GATA3: variants seen among roughly 807,000 people sequenced by gnomAD.
The protein encoded by GATA3 is GATA binding protein 3.
A neutral mutation model predicts 36.0 loss-of-function variants in GATA3; 6 were observed. That is an observed-to-expected ratio of 0.17 (90% CI 0.09 to 0.33). GATA3 has a LOEUF of 0.33. GATA3 is among the 10% of genes least tolerant of loss of function. GATA3 has a pLI of 1.00. For missense variants in GATA3, 514 were observed against 610.1 expected (o/e 0.84, Z 1.66); for synonymous variants, 326 against 273.0 (o/e 1.19, Z -1.92).
At chr10:8,052,590 CCCT>C (rs1268226031), upstream of GATA3, 1 of 152,202 alleles carries the variant, frequency 6.6e-6, no homozygotes, top group African/African-American at 2.4e-5. Context: ...GCGCATCCAC[CCCT>C]CGATTGACGC....
intron 1 of GATA3, among the ~76,000 whole-genome samples, chr10:8,046,319 A>G (rs1832386241): frequency 1.3e-5 from 2 of 152,194 alleles, no homozygotes; most frequent in African/African-American, 4.8e-5. Flanking sequence ...TCTCTCGGAC[A>G]CCAACAGGGT....
intron 3 of GATA3, among the ~76,000 whole-genome samples, chr10:8,061,364 C>A (rs560366732): frequency 1.5e-3 from 236 of 152,302 alleles, no homozygotes; most frequent in Non-Finnish European, 2.9e-3. Flanking sequence ...CTGCTCCCTA[C>A]CCCCTCCCAC....
At chr10:8,063,244 T>G (rs1411885854) in intron 3 of GATA3, among the ~76,000 whole-genome samples, 1 of 152,154 alleles carries the variant, frequency 6.6e-6, no homozygotes, top group Non-Finnish European at 1.5e-5. Context: ...CCTCCCCCTC[T>G]TCCAGGTTCC....
chr10:8,067,643 C>T (rs941442504), intron 4 of GATA3, among the ~76,000 whole-genome samples: 3 of 152,064 alleles, frequency 2.0e-5, no homozygotes, highest in South Asian at 2.1e-4. Flanking sequence ...ACAGGTGAAA[C>T]CCCGTCTCTA....
intron 3 of GATA3, among the ~76,000 whole-genome samples, chr10:8,063,112 A>G (rs1386721095): frequency 6.6e-6 from 1 of 152,116 alleles, no homozygotes; most frequent in African/African-American, 2.4e-5. Flanking sequence ...GGAAAAGAGA[A>G]ACTGTAGGCA....
chr10:8,068,817 C>G (rs572870785), intron 4 of GATA3, among the ~76,000 whole-genome samples: 1 of 152,360 alleles, frequency 6.6e-6, no homozygotes, highest in Admixed American at 6.5e-5. Flanking sequence ...CTAGGATGTC[C>G]TACTTGGCGC....
At chr10:8,046,602 A>C (rs374308925) in intron 1 of GATA3, among the ~76,000 whole-genome samples, 32 of 151,416 alleles carry the variant, frequency 2.1e-4, no homozygotes, top group African/African-American at 7.5e-4. Context: ...GGTTGAGTCC[A>C]TCCAGGCATC....
In GATA3 at chr10:8,074,775, G is replaced by A. The variant is rs1356506890; in HGVS notation, c.*752G>A. 1 of 233,582 alleles carries A rather than the reference G, an allele frequency of 4.3e-6. No individual in the cohort carries two copies. The highest frequency in any genetic ancestry group is 6.0e-5 in the East Asian group (1 of 16,586). The allele number at this position is 233,582 out of a possible 1,614,324, so 14.5% of individuals were successfully genotyped here. ...TTCATCATATTATACAGACCGAACT[G>A]TTGTATAAATTTATTTACTGCTAGT... On this transcript the variant is annotated 3_prime_UTR_variant, in exon 6 of 6. Transcript: ENST00000379328.
intron 2 of GATA3, among the ~76,000 whole-genome samples, chr10:8,057,541 T>G (rs1289248364): frequency 6.6e-6 from 1 of 152,106 alleles, no homozygotes; most frequent in Non-Finnish European, 1.5e-5. Flanking sequence ...CTCCTTCTCC[T>G]TTAGGATTTG....
At chr10:8,050,917 C>A (rs534296680), upstream of GATA3, 64 of 466,444 alleles carry the variant, frequency 1.4e-4, no homozygotes, top group African/African-American at 1.3e-3. Context: ...TCGGGCAGCG[C>A]GCGGGCGCCC....
chr10:8,060,072 G>T (rs762544310), intron 3 of GATA3, among the ~76,000 whole-genome samples: 17 of 152,212 alleles, frequency 1.1e-4, no homozygotes, highest in Non-Finnish European at 2.4e-4. Context: ...TACTCTGGGA[G>T]CCCAGTGACC....
intron 5 of GATA3, among the ~76,000 whole-genome samples, chr10:8,072,942 C>T (rs576461897): frequency 6.6e-4 from 101 of 152,044 alleles, no homozygotes; most frequent in Middle Eastern, 3.4e-3. Context: ...GTCGGGAGTT[C>T]GAGACCAGCC....
intron 3 of GATA3, among the ~76,000 whole-genome samples, chr10:8,059,359 T>G (rs555284803): frequency 2.8e-4 from 42 of 152,162 alleles, no homozygotes; most frequent in African/African-American, 8.9e-4. Context: ...AGACACAAAG[T>G]GTGTGTGCAT....
At chr10:8,061,376 G>A (rs1832746252) in intron 3 of GATA3, among the ~76,000 whole-genome samples, 1 of 152,128 alleles carries the variant, frequency 6.6e-6, no homozygotes. Flanking sequence ...CCCTCCCACA[G>A]CCTGGTTTAA....
intron 4 of GATA3, among the ~76,000 whole-genome samples, chr10:8,066,737 A>G (rs970732113): frequency 3.3e-5 from 5 of 152,216 alleles, no homozygotes; most frequent in African/African-American, 1.2e-4. Context: ...ACATCTCACC[A>G]CTAGTGAGAG....
intron 1 of GATA3, among the ~76,000 whole-genome samples, chr10:8,048,210 G>A (rs1170019390): frequency 1.3e-5 from 2 of 152,212 alleles, no homozygotes; most frequent in East Asian, 3.9e-4. Flanking sequence ...GCTGGGGGTT[G>A]GGGCTGTGGT....
chr10:8,054,509 G>A (rs1832582515), upstream of GATA3: 1 of 152,048 alleles, frequency 6.6e-6, no homozygotes, highest in Non-Finnish European at 1.5e-5. This position sits in a 1 kb window ranked among gnomAD's most constrained non-coding sequence, Gnocchi z 4.2. Context: ...TCCGGTCAGT[G>A]GAGGGGCGGG....
chr10:8,051,274 C>T (rs1333983373), upstream of GATA3: 1 of 324,402 alleles, frequency 3.1e-6, no homozygotes, highest in Non-Finnish European at 6.5e-6. Context: ...ACACACATAC[C>T]CCGCTCAACT....
At chr10:8,068,872 A>C (rs1231517822) in intron 4 of GATA3, among the ~76,000 whole-genome samples, 1 of 152,256 alleles carries the variant, frequency 6.6e-6, no homozygotes, top group African/African-American at 2.4e-5. Context: ...ACACTTGCAC[A>C]GACATTCTTT....
Sources: gnomAD v4.1 joint callset for allele counts (sites outside exome capture counted in the v4.1 genomes callset) on GRCh38, gnomAD v4.1.1 for gene constraint, Gnocchi (gnomAD v3.1) non-coding constraint, MANE v1.5 for transcripts, NCBI Gene and HGNC (gene_info 2026-07-23, HGNC 2026-07-21) for gene names.